Variants in CYB5R4 observed in about 807,000 individuals in gnomAD.
CYB5R4 encodes the protein N-terminal cytochrome b5 and cytochrome b5 oxidoreductase domain-containing protein.
Under a neutral mutation model 70.2 loss-of-function variants are expected in CYB5R4, and 55 were observed. The observed-to-expected ratio is 0.78, with a 90% CI of 0.63 to 0.98. CYB5R4 has a LOEUF of 0.98. Among genes scored for constraint, CYB5R4 ranks in the 50% least tolerant of loss-of-function variants. The pLI is 0.00. For missense variants in CYB5R4, 562 were observed against 612.6 expected (o/e 0.92, Z 0.87); for synonymous variants, 197 against 199.5 (o/e 0.99, Z 0.11).
At chr6:83,871,097 C>T (rs932057066) in intron 2 of CYB5R4, among the ~76,000 whole-genome samples, 1 of 151,698 alleles carries the variant, frequency 6.6e-6, no homozygotes, top group African/African-American at 2.4e-5. Context: ...CTGCCCCAGC[C>T]TCTTGAGTAG....
chr6:83,868,802 T>C (rs1462311610), intron 2 of CYB5R4, among the ~76,000 whole-genome samples: 1 of 152,222 alleles, frequency 6.6e-6, no homozygotes, highest in Non-Finnish European at 1.5e-5. Context: ...TAATATGATA[T>C]GTTTTATTGT....
At chr6:83,877,081 C>T (rs552197345) in intron 2 of CYB5R4, among the ~76,000 whole-genome samples, 48 of 152,308 alleles carry the variant, frequency 3.2e-4, no homozygotes, top group South Asian at 1.2e-3. Context: ...CCACCCGCCT[C>T]GGCCTCCCAA....
intron 1 of CYB5R4, among the ~76,000 whole-genome samples, chr6:83,860,140 G>C (rs988670136): frequency 2.0e-5 from 3 of 150,950 alleles, no homozygotes; most frequent in Middle Eastern, 3.4e-3. Flanking sequence ...TTATATGACA[G>C]AGCCAGGCAC....
chr6:83,936,178 T>G, intron 11 of CYB5R4, 46 bp from the exon 12 acceptor site: 1 of 1,404,750 alleles, frequency 7.1e-7, no homozygotes, highest in Non-Finnish European at 9.5e-7. Flanking sequence ...ATTGAGATTT[T>G]TGGATTTTTA....
intron 14 of CYB5R4, among the ~76,000 whole-genome samples, chr6:83,947,710 C>A (rs763118598): frequency 1.4e-4 from 21 of 152,048 alleles, no homozygotes; most frequent in Non-Finnish European, 2.1e-4. Flanking sequence ...GAAAAAAATC[C>A]CATCAGAAAG....
At chr6:83,951,396 A>G (rs1021454584) in intron 14 of CYB5R4, among the ~76,000 whole-genome samples, 1 of 152,090 alleles carries the variant, frequency 6.6e-6, no homozygotes, top group Non-Finnish European at 1.5e-5. Flanking sequence ...TCAACCCATT[A>G]TCTACATTAG....
Position 83,921,087 on chromosome 6 carries a change from C to A in CYB5R4, c.570C>A (p.Ile190=). Residue 190 remains isoleucine (I), a synonymous_variant, in exon 8 of 16, where the codon ATC becomes ATA. Transcript: ENST00000369681. ...TIAIYTKQKD[I]NLDSIIVDHQ... is the part of the protein sequence containing the mutation. ...ATTTTTGCTTTCTCTTTAAGGATAT[C>A]AATTTAGACTCAATAATAGTTGATC... is the stretch of plus-strand genomic sequence containing the variant. 2 of 1,496,838 alleles carry A rather than the reference C, an allele frequency of 1.3e-6. No homozygotes were observed. The highest frequency in any genetic ancestry group is 1.8e-6 in the Non-Finnish European group (2 of 1,111,062). 92.7% of individuals were successfully genotyped at this position (1,496,838 alleles called of 1,614,324 possible). A position where few individuals can be genotyped will look rare whatever the true frequency, so the allele number is the denominator to read the frequency against.
chr6:83,951,644 C>A (rs544672196), intron 14 of CYB5R4, among the ~76,000 whole-genome samples: 27 of 152,206 alleles, frequency 1.8e-4, no homozygotes, highest in Middle Eastern at 3.4e-3. Flanking sequence ...ATAGTATTCC[C>A]TGGTGTAATG....
intron 2 of CYB5R4, among the ~76,000 whole-genome samples, chr6:83,891,233 C>T (rs530667189): frequency 2.0e-5 from 3 of 152,288 alleles, no homozygotes; most frequent in Non-Finnish European, 4.4e-5. Context: ...AGGCATAAGC[C>T]GCCATGCCTG....
At chr6:83,946,392 C>T (rs576786514) in intron 14 of CYB5R4, among the ~76,000 whole-genome samples, 1 of 151,694 alleles carries the variant, frequency 6.6e-6, no homozygotes, top group African/African-American at 2.4e-5. Flanking sequence ...GCTAAAAACA[C>T]TCAAACTAGG....
intron 10 of CYB5R4, among the ~76,000 whole-genome samples, chr6:83,925,228 G>T (rs2099467093): frequency 1.3e-5 from 2 of 152,174 alleles, no homozygotes; most frequent in Admixed American, 1.3e-4. Flanking sequence ...AGGAGGAGGA[G>T]AGAGATGGGG....
chr6:83,887,141 G>A (rs893680919), intron 2 of CYB5R4, among the ~76,000 whole-genome samples: 1 of 152,076 alleles, frequency 6.6e-6, no homozygotes, highest in African/African-American at 2.4e-5. Context: ...GGCAATATTC[G>A]TTTTTAGGTA....
At chr6:83,880,516 TA>T (rs940325142) in intron 2 of CYB5R4, among the ~76,000 whole-genome samples, 1 of 152,168 alleles carries the variant, frequency 6.6e-6, no homozygotes, top group Non-Finnish European at 1.5e-5. Flanking sequence ...AATACTTGTG[TA>T]ATATTGATGT....
chr6:83,965,810 A>G lies in CYB5R4; in HGVS notation c.*5932A>G, dbSNP rs1282797481. On this transcript the variant is annotated 3_prime_UTR_variant, in exon 16 of 16. Coordinates refer to ENST00000369681, the MANE Select transcript of CYB5R4 (RefSeq NM_016230.4). ...GACCTGGTGGGAGATAATTTGAATC[A>G]TGGGGGTGGTTTCCCCCATACTGTT... 6.6e-6 allele frequency: 1 copy of G among 152,144 alleles called. No homozygotes were observed. The highest frequency in any genetic ancestry group is 1.5e-5 in the Non-Finnish European group (1 of 68,034). The allele number at this position is 152,144 out of a possible 1,614,324, so 9.4% of individuals were successfully genotyped here.
chr6:83,952,676 C>T (rs1456032019), intron 14 of CYB5R4, among the ~76,000 whole-genome samples: 3 of 152,106 alleles, frequency 2.0e-5, no homozygotes, highest in East Asian at 1.9e-4. Context: ...TAATAGTTAT[C>T]ATTTCTGATC....
chr6:83,960,081 G>GT lies in CYB5R4; in HGVS notation c.*203_*204insT, dbSNP rs1249399910. On this transcript the variant is annotated 3_prime_UTR_variant, in exon 16 of 16. Transcript: ENST00000369681. Reference sequence around the variant, plus strand: ...ACAACTTATTTTACTACTGATATTTGACCTGGAAAGTTAATCATGGCAACA... The same window carrying GT: ...ACAACTTATTTTACTACTGATATTTGTACCTGGAAAGTTAATCATGGCAACA... The GT allele has an allele frequency of 2.5e-6, 1 of 401,518 alleles. No individual in the cohort carries two copies. The highest frequency in any genetic ancestry group is 4.3e-5 in the East Asian group (1 of 23,018). 24.9% of individuals were successfully genotyped at this position (401,518 alleles called of 1,614,324 possible).
chr6:83,926,866 TTCTA>T (rs1195851133), intron 10 of CYB5R4, among the ~76,000 whole-genome samples: 2 of 152,204 alleles, frequency 1.3e-5, no homozygotes, highest in Admixed American at 1.3e-4. Flanking sequence ...GTAATTTTAA[TTCTA>T]CCTTGACTCT....
intron 2 of CYB5R4, among the ~76,000 whole-genome samples, chr6:83,866,022 G>A (rs1232368814): frequency 6.6e-6 from 1 of 152,064 alleles, no homozygotes; most frequent in Non-Finnish European, 1.5e-5. Flanking sequence ...CAAGTAACTG[G>A]TACAAAATGA....
intron 3 of CYB5R4, among the ~76,000 whole-genome samples, chr6:83,894,427 A>G (rs1352019410): frequency 1.3e-5 from 2 of 151,900 alleles, no homozygotes; most frequent in East Asian, 3.9e-4. Flanking sequence ...TGTTTTTTTG[A>G]TCAAATATAA....
Sources: allele counts gnomAD v4.1 joint callset (sites outside exome capture counted in the v4.1 genomes callset), GRCh38; gene constraint gnomAD v4.1.1; transcripts MANE v1.5; gene names NCBI Gene and HGNC (gene_info 2026-07-23, HGNC 2026-07-21).